Variants in RASSF9 observed in about 807,000 individuals in gnomAD.
RASSF9 encodes ras association domain-containing protein 9.
In RASSF9, 18 loss-of-function variants were observed where a neutral mutation model predicts 21.4. That is an observed-to-expected ratio of 0.84 (90% CI 0.58 to 1.25). The LOEUF (loss-of-function observed/expected upper bound fraction) is 1.25, where lower values mean the gene tolerates loss of function less well. Among genes scored for constraint, RASSF9 ranks in the 50% most tolerant of loss-of-function variants. RASSF9 has a pLI of 0.00. For synonymous variants in RASSF9, 183 were observed against 179.1 expected (o/e 1.02, Z -0.18); for missense variants, 480 against 503.2 (o/e 0.95, Z 0.44).
intron 1 of RASSF9, among the ~76,000 whole-genome samples, chr12:85,821,773 G>GCATTCTTCCCGCA (rs1319942755): frequency 6.6e-5 from 10 of 152,064 alleles, no homozygotes; most frequent in Non-Finnish European, 1.0e-4. Context: ...AAAAACCCTA[G>GCATTCTTCCCGCA]ACATTCCATA....
chr12:85,825,616 T>G (rs1184128963), intron 1 of RASSF9, among the ~76,000 whole-genome samples: 2 of 152,288 alleles, frequency 1.3e-5, no homozygotes, highest in East Asian at 1.9e-4. Context: ...ATTTATTATG[T>G]TTTTTACACA....
chr12:85,821,939 T>A (rs1261006726), intron 1 of RASSF9, among the ~76,000 whole-genome samples: 3 of 152,184 alleles, frequency 2.0e-5, no homozygotes, highest in Non-Finnish European at 2.9e-5. Flanking sequence ...ATATTTAACA[T>A]GTGTTATTTA....
At chr12:85,811,834 G>A (rs1046469283) in intron 1 of RASSF9, among the ~76,000 whole-genome samples, 4 of 151,682 alleles carry the variant, frequency 2.6e-5, no homozygotes, top group Non-Finnish European at 5.9e-5. Flanking sequence ...GAAAAACAAT[G>A]AACAAATAAA....
chr12:85,815,505 A>C (rs1880042595), intron 1 of RASSF9, among the ~76,000 whole-genome samples: 1 of 152,100 alleles, frequency 6.6e-6, no homozygotes, highest in Admixed American at 6.6e-5. Flanking sequence ...TAGGTCTTTG[A>C]GGAATTGCCA....
chr12:85,820,699 T>C (rs1044079596), intron 1 of RASSF9, among the ~76,000 whole-genome samples: 1 of 152,218 alleles, frequency 6.6e-6, no homozygotes, highest in African/African-American at 2.4e-5. Context: ...TGGGATCTCT[T>C]ACATAAAACA....
intron 1 of RASSF9, among the ~76,000 whole-genome samples, chr12:85,806,904 A>T (rs1030253283): frequency 3.3e-5 from 5 of 152,078 alleles, no homozygotes; most frequent in African/African-American, 1.2e-4. Context: ...TTCATTAACA[A>T]TTGTTTATTT....
chr12:85,825,073 G>T (rs1453376978), intron 1 of RASSF9, among the ~76,000 whole-genome samples: 1 of 152,060 alleles, frequency 6.6e-6, no homozygotes, highest in Non-Finnish European at 1.5e-5. Flanking sequence ...TGCGATCTCG[G>T]CTCACTGCAA....
At chr12:85,827,880 C>A (rs1436031322) in intron 1 of RASSF9, among the ~76,000 whole-genome samples, 2 of 152,180 alleles carry the variant, frequency 1.3e-5, no homozygotes, top group Non-Finnish European at 2.9e-5. Flanking sequence ...ATTGTTTTTG[C>A]ATTGTCTGTC....
intron 1 of RASSF9, among the ~76,000 whole-genome samples, chr12:85,823,165 A>G (rs1159745807): frequency 6.9e-6 from 1 of 145,092 alleles, no homozygotes. Context: ...ACACCACTGC[A>G]CTCCAGCCTG....
chr12:85,829,684 A>G (rs1880408718), intron 1 of RASSF9, among the ~76,000 whole-genome samples: 1 of 151,982 alleles, frequency 6.6e-6, no homozygotes, highest in Admixed American at 6.6e-5. Flanking sequence ...AATGCTAGCT[A>G]ATTATGATGA....
Position 85,800,941 on chromosome 12 carries a change from T to G in RASSF9, c.*3761A>C, listed in dbSNP as rs1284383185. 6.6e-6 allele frequency: 1 copy of G among 151,822 alleles called. No homozygotes were observed. Among genetic ancestry groups the G allele is most frequent in the Non-Finnish European group, 1.5e-5 (1 of 67,904 alleles). 9.4% of individuals were successfully genotyped at this position (151,822 alleles called of 1,614,324 possible). On this transcript the variant is annotated 3_prime_UTR_variant, in exon 2 of 2. Coordinates refer to ENST00000361228, the MANE Select transcript of RASSF9 (RefSeq NM_005447.4). ...ATAAAAGGCAGCCACAGAAATATAT[T>G]TTGTCATGTACAGTAGATATTTAAA...
At chr12:85,826,173 C>T (rs1029293654) in intron 1 of RASSF9, among the ~76,000 whole-genome samples, 2 of 152,134 alleles carry the variant, frequency 1.3e-5, no homozygotes, top group African/African-American at 2.4e-5. Context: ...TTTCTTCACT[C>T]TTCACCCTGA....
chr12:85,806,367 G>A (rs1879834596), intron 1 of RASSF9, among the ~76,000 whole-genome samples: 1 of 148,918 alleles, frequency 6.7e-6, no homozygotes, highest in Non-Finnish European at 1.5e-5. Context: ...GCATTTTTAA[G>A]TTGAGAATAA....
intron 1 of RASSF9, among the ~76,000 whole-genome samples, chr12:85,820,440 A>C (rs1880181542): frequency 6.6e-6 from 1 of 152,214 alleles, no homozygotes; most frequent in South Asian, 2.1e-4. Context: ...TACATCATAA[A>C]GCCCCAAGAA....
Position 85,831,370 on chromosome 12 carries a change from T to C in RASSF9, c.47+4785A>G, listed in dbSNP as rs181523868. ...AAAATTAATTTAAGTACTTCTCGCC[T>C]TGACATGTGTCAGGCACTGACACTG... On this transcript the variant is annotated intron_variant, in intron 1 of 1. Transcript: ENST00000361228. Among the ~76,000 whole-genome samples, 5 of 152,176 alleles carry C rather than the reference T, an allele frequency of 3.3e-5. No homozygotes were observed. In the East Asian group the frequency reaches 9.6e-4, roughly 29 times the overall value.
At chr12:85,820,885 C>A (rs1880191947) in intron 1 of RASSF9, among the ~76,000 whole-genome samples, 1 of 152,124 alleles carries the variant, frequency 6.6e-6, no homozygotes, top group African/African-American at 2.4e-5. Context: ...GTGGCTCATG[C>A]CTATAATCCC....
At chr12:85,816,134 C>A in intron 1 of RASSF9, among the ~76,000 whole-genome samples, 1 of 151,836 alleles carries the variant, frequency 6.6e-6, no homozygotes, top group East Asian at 1.9e-4. Flanking sequence ...TAGAGGGCAA[C>A]AACACACTGG....
At chr12:85,812,539 T>G (rs567389190) in intron 1 of RASSF9, among the ~76,000 whole-genome samples, 47 of 151,374 alleles carry the variant, frequency 3.1e-4, no homozygotes, top group Middle Eastern at 9.6e-3. Flanking sequence ...AATTTAAATT[T>G]ATGATTTTAT....
At chr12:85,829,030 G>A (rs190852033) in intron 1 of RASSF9, among the ~76,000 whole-genome samples, 26 of 152,178 alleles carry the variant, frequency 1.7e-4, no homozygotes, top group African/African-American at 6.0e-4. Context: ...CAAAACAAAC[G>A]CTCTTCTACT....
Sources: gnomAD v4.1 joint callset for allele counts (sites outside exome capture counted in the v4.1 genomes callset) on GRCh38, gnomAD v4.1.1 for gene constraint, MANE v1.5 for transcripts, NCBI Gene and HGNC (gene_info 2026-07-23, HGNC 2026-07-21) for gene names.